Variants in PHF13 observed in about 807,000 individuals in gnomAD.
PHF13 encodes the protein PHD finger protein 13, also known as PHD zinc finger protein PHF5.
PHF13 carries 1 observed loss-of-function variant against 25.8 expected under a neutral mutation model. The observed-to-expected ratio is 0.04, with a 90% CI of 0.01 to 0.18. The LOEUF (loss-of-function observed/expected upper bound fraction) is 0.18. Among genes scored for constraint, PHF13 ranks in the 10% least tolerant of loss-of-function variants. The probability of loss-of-function intolerance (pLI) is 1.00; values close to 1 mark genes in which losing one functional copy is unlikely to be tolerated. For synonymous variants in PHF13, 195 were observed against 162.4 expected (o/e 1.20, Z -1.53); for missense variants, 306 against 403.2 (o/e 0.76, Z 2.06).
chr1:6,614,248 C>G (rs1641218265), intron 1 of PHF13, 143 bp downstream of exon 1: 6 of 630,940 alleles, frequency 9.5e-6, no homozygotes, highest in Non-Finnish European at 1.6e-5. Flanking sequence ...GGGAGCCCAA[C>G]CCCCGCCCCC....
rs2148708218 is a variant in PHF13 at position 6,613,926 on chromosome 1, C to T, written c.-141C>T. 3 of 561,442 alleles carry T rather than the reference C, an allele frequency of 5.3e-6. No individual in the cohort carries two copies. The highest frequency in any genetic ancestry group is 3.4e-5 in the East Asian group (1 of 29,404). 34.8% of individuals were successfully genotyped at this position (561,442 alleles called of 1,614,324 possible). A position where few individuals can be genotyped will look rare whatever the true frequency, so the allele number is the denominator to read the frequency against. On this transcript the variant is annotated 5_prime_UTR_variant, in exon 1 of 4. Transcript: ENST00000377648. ...AGCTTGAGAAGCGACGCGCTGAGCC[C>T]CCCATCACCTCCAGCCCGGGCGACC...
intron 1 of PHF13, among the ~76,000 whole-genome samples, chr1:6,615,606 G>A (rs1388943311): frequency 6.6e-6 from 1 of 152,218 alleles, no homozygotes. Context: ...CAGCACCTCG[G>A]GAAGGATGGG....
At chr1:6,615,443 C>T (rs879359379) in intron 1 of PHF13, among the ~76,000 whole-genome samples, 30 of 152,270 alleles carry the variant, frequency 2.0e-4, no homozygotes, top group Middle Eastern at 3.4e-3. Context: ...TTTGCTTGAA[C>T]CAGGTTGAGA....
In PHF13 at chr1:6,621,085, C is replaced by G. The variant is rs1291063436; in HGVS notation, c.677-326C>G. On this transcript the variant is annotated intron_variant, in intron 3 of 3. Transcript: ENST00000377648. This position sits in a 1 kb window ranked among gnomAD's most constrained non-coding sequence, Gnocchi z 4.8. ...TGGTGGTGTGTGCCTGTAGTCCCAG[C>G]TATTTGGGAGGCTGAGGTGGGAGGA... is the stretch of plus-strand genomic sequence containing the variant. Among the ~76,000 whole-genome samples the G allele has an allele frequency of 1.3e-5, 2 of 149,844 alleles. No homozygotes were observed. The highest frequency in any genetic ancestry group is 3.0e-5 in the Non-Finnish European group (2 of 67,676).
chr1:6,619,302 G>A (rs1485940304), intron 2 of PHF13, among the ~76,000 whole-genome samples: 4 of 151,696 alleles, frequency 2.6e-5, no homozygotes, highest in African/African-American at 9.7e-5. Flanking sequence ...TCAGCAGGGA[G>A]TTTCTCTCTT....
At chr1:6,619,634 C>T (rs1052058095) in intron 2 of PHF13, among the ~76,000 whole-genome samples, 169 bp from the exon 3 acceptor site, 3 of 152,202 alleles carry the variant, frequency 2.0e-5, no homozygotes, top group Non-Finnish European at 1.5e-5. Flanking sequence ...CCACCACGCC[C>T]AGCCAGAACT....
rs1444149501 is a variant in PHF13 at position 6,621,040 on chromosome 1, A to AG, written c.677-371_677-370insG. 8.0e-5 allele frequency among the ~76,000 whole-genome samples: 12 copies of AG among 150,624 alleles called. No individual in the cohort carries two copies. The highest frequency in any genetic ancestry group is 1.9e-4 in the East Asian group (1 of 5,134). On this transcript the variant is annotated intron_variant, in intron 3 of 3. Coordinates refer to ENST00000377648, the MANE Select transcript of PHF13 (RefSeq NM_153812.3). This position sits in a 1 kb window ranked among gnomAD's most constrained non-coding sequence, Gnocchi z 4.8. ...GCAAAACTCCGTCTCAAGAAAAAAA[A>AG]AAAAAACAATAGTCGAGTGTGGTGG...
chr1:6,619,717 C>G, intron 2 of PHF13, 86 bp from the exon 3 acceptor site: 1 of 1,382,092 alleles, frequency 7.2e-7, no homozygotes, highest in Non-Finnish European at 9.9e-7. Context: ...CTCTGGAGGT[C>G]TGACATGGCT....
At position 6,622,251 on chromosome 1, in the gene PHF13, C is replaced by T. The variant is rs1005555527; in HGVS notation, c.*614C>T. On this transcript the variant is annotated 3_prime_UTR_variant, in exon 4 of 4. Coordinates refer to ENST00000377648, the MANE Select transcript of PHF13 (RefSeq NM_153812.3). Reference sequence around the variant, plus strand: ...GGGTCAGCTGGTGGTTCTTAGGTTTCCTTCTGTTTGTTAAAAGGGACAATG... The same window carrying T: ...GGGTCAGCTGGTGGTTCTTAGGTTTTCTTCTGTTTGTTAAAAGGGACAATG... 2 of 159,394 alleles carry T rather than the reference C, an allele frequency of 1.3e-5. No individual in the cohort carries two copies. The highest frequency in any genetic ancestry group is 4.8e-5 in the African/African-American group (2 of 41,466). The allele number at this position is 159,394 out of a possible 1,614,324, so 9.9% of individuals were successfully genotyped here.
chr1:6,620,812 G>A (rs1641327042), intron 3 of PHF13, among the ~76,000 whole-genome samples: 1 of 151,874 alleles, frequency 6.6e-6, no homozygotes, highest in African/African-American at 2.4e-5. Flanking sequence ...GAGGTCAGGA[G>A]TTCGAGACCA....
intron 2 of PHF13, among the ~76,000 whole-genome samples, chr1:6,619,580 C>T (rs1229268265): frequency 6.6e-6 from 1 of 152,116 alleles, no homozygotes; most frequent in African/African-American, 2.4e-5. Context: ...CTCAGGTGAT[C>T]CGCCTGCCTT....
Position 6,620,100 on chromosome 1 carries a change from C to T in PHF13, c.439C>T (p.Pro147Ser). The T allele has an allele frequency of 6.2e-7, 1 of 1,613,484 alleles. No homozygotes were observed. Among genetic ancestry groups the T allele is most frequent in the Non-Finnish European group, 8.5e-7 (1 of 1,179,990 alleles). The change falls in exon 3 of 4, where the codon CCC becomes TCC. Residue 147 changes from proline (P) to serine (S), a missense_variant. By Grantham distance (74) the Pro-to-Ser change is moderately conservative. Transcript: ENST00000377648. ...GGLLKLEAAD[P>S]YVETPTSPTL... ...CTTGCTGAAGCTGGAAGCCGCTGAC[C>T]CCTACGTGGAGACCCCCACGAGTCC...
rs765395629 is a variant in PHF13 at position 6,619,956 on chromosome 1, C to G, written c.295C>G (p.Gln99Glu). ...CFSHLQPTLL[Q>E]RAKPSNFLLD... ...TAGCCACCTGCAGCCTACTCTCTTG[C>G]AGCGAGCCAAGCCCAGTAACTTCCT... Residue 99 changes from glutamine to glutamate, a missense_variant, in exon 3 of 4, where the codon CAG becomes GAG. This residue lies in a region of PHF13 where 186 missense variants were observed against 164.0 expected (regional missense o/e 1.13). Transcript: ENST00000377648. 1.2e-6 allele frequency: 2 copies of G among 1,613,904 alleles called. No homozygotes were observed. Among genetic ancestry groups the G allele is most frequent in the South Asian group, 1.1e-5 (1 of 91,074 alleles).
At chr1:6,614,864 G>A (rs963619722) in intron 1 of PHF13, among the ~76,000 whole-genome samples, 1 of 151,406 alleles carries the variant, frequency 6.6e-6, no homozygotes, top group Non-Finnish European at 1.5e-5. Flanking sequence ...CCCAGCCGAG[G>A]CTCGTTGGGG....
chr1:6,615,060 G>A (rs1270407927), intron 1 of PHF13, among the ~76,000 whole-genome samples: 2 of 150,978 alleles, frequency 1.3e-5, no homozygotes, highest in African/African-American at 4.8e-5. Flanking sequence ...GGGGCCGAGT[G>A]TCGCGGGGGG....
rs905909118 is a variant in PHF13 at position 6,620,228 on chromosome 1, C to G, written c.567C>G (p.Val189=). The change falls in exon 3 of 4, where the codon GTC becomes GTG. Residue 189 remains valine, a synonymous_variant. Coordinates refer to ENST00000377648, the MANE Select transcript of PHF13 (RefSeq NM_153812.3). ...GSCATVSPDQ[V]KEIKTEGKRT... ...GTGCCACTGTGTCACCTGATCAGGT[C>G]AAAGAAATAAAAACTGAAGGCAAAC... The G allele has an allele frequency of 2.5e-6, 4 of 1,613,776 alleles. No individual in the cohort carries two copies. The highest frequency in any genetic ancestry group is 1.3e-5 in the African/African-American group (1 of 74,870).
chr1:6,616,962 G>A, intron 2 of PHF13, 104 bp downstream of exon 2: 1 of 930,532 alleles, frequency 1.1e-6, no homozygotes, highest in South Asian at 1.4e-5. Context: ...AGTAGGTTTG[G>A]AAGGGGCTGC....
chr1:6,615,570 C>A (rs1641248554), intron 1 of PHF13, among the ~76,000 whole-genome samples: 1 of 152,090 alleles, frequency 6.6e-6, no homozygotes, highest in Non-Finnish European at 1.5e-5. Context: ...CACCGGCTCT[C>A]CCCCAGCAGA....
intron 1 of PHF13, 89 bp downstream of exon 1, chr1:6,614,194 G>C: frequency 8.1e-7 from 1 of 1,228,086 alleles, no homozygotes; most frequent in Non-Finnish European, 1.2e-6. Context: ...GTCGCCCGGA[G>C]CGCCGCCCTC....
Sources: gnomAD v4.1 joint callset for allele counts (sites outside exome capture counted in the v4.1 genomes callset) on GRCh38, gnomAD v4.1.1 for gene constraint, gnomAD v4.1.1 regional missense constraint, Gnocchi (gnomAD v3.1) non-coding constraint, MANE v1.5 for transcripts, NCBI Gene and HGNC (gene_info 2026-07-23, HGNC 2026-07-21) for gene names.